Variants in CACNB4 observed in about 807,000 individuals in gnomAD.
The protein encoded by CACNB4 is voltage-dependent L-type calcium channel subunit beta-4.
In CACNB4, 32 loss-of-function variants were observed where a neutral mutation model predicts 71.2. The observed-to-expected ratio is 0.45, with a 90% CI of 0.34 to 0.60. The LOEUF is 0.60. Among genes scored for constraint, CACNB4 ranks in the 20% least tolerant of loss-of-function variants. The pLI, the probability that CACNB4 is intolerant of heterozygous loss-of-function variation, is 0.01. For missense variants in CACNB4, 464 were observed against 647.9 expected (o/e 0.72, Z 3.08); for synonymous variants, 231 against 236.9 (o/e 0.97, Z 0.23).
At chr2:152,004,965 A>T (rs138007349) in intron 2 of CACNB4, among the ~76,000 whole-genome samples, 1 of 152,206 alleles carries the variant, frequency 6.6e-6, no homozygotes, top group Non-Finnish European at 1.5e-5. Flanking sequence ...TCAAAACCAC[A>T]ATGAGACACC....
At chr2:152,055,536 C>T (rs1166436358) in intron 2 of CACNB4, among the ~76,000 whole-genome samples, 1 of 152,168 alleles carries the variant, frequency 6.6e-6, no homozygotes, top group African/African-American at 2.4e-5. Context: ...CTTATGGAGA[C>T]ATGGCAGACC....
At chr2:151,926,801 C>T (rs972863534) in intron 2 of CACNB4, among the ~76,000 whole-genome samples, 4 of 152,178 alleles carry the variant, frequency 2.6e-5, no homozygotes, top group African/African-American at 9.7e-5. Context: ...TTCTGCTCTA[C>T]AAGTGCTCCG....
intron 2 of CACNB4, among the ~76,000 whole-genome samples, chr2:152,027,711 G>GC (rs1370288929): frequency 6.6e-6 from 1 of 152,128 alleles, no homozygotes; most frequent in Non-Finnish European, 1.5e-5. Context: ...AATTACCTGG[G>GC]CTTGGTGGCG....
chr2:151,918,878 T>C (rs564844775), intron 2 of CACNB4, among the ~76,000 whole-genome samples: 1 of 152,328 alleles, frequency 6.6e-6, no homozygotes, highest in South Asian at 2.1e-4. Context: ...TTCATACAGA[T>C]TTTATAAAAT....
At position 151,839,087 on chromosome 2, in the gene CACNB4, T is replaced by A; in HGVS notation, c.*32A>T. The A allele has an allele frequency of 6.3e-7, 1 of 1,588,634 alleles. No homozygotes were observed. Among genetic ancestry groups the A allele is most frequent in the Non-Finnish European group, 8.6e-7 (1 of 1,163,230 alleles). On this transcript the variant is annotated 3_prime_UTR_variant, in exon 14 of 14. Coordinates refer to ENST00000539935, the MANE Select transcript of CACNB4 (RefSeq NM_000726.5). ...ATCCTAGCACTGCTATGGCAAATTGTCAACAGATGAATATTTTTTGTTTCA... is the reference window on the plus strand; with the variant it reads ...ATCCTAGCACTGCTATGGCAAATTGACAACAGATGAATATTTTTTGTTTCA...
intron 2 of CACNB4, among the ~76,000 whole-genome samples, chr2:152,025,769 T>A (rs1164968194): frequency 6.6e-6 from 1 of 152,178 alleles, no homozygotes; most frequent in Non-Finnish European, 1.5e-5. Context: ...CCCCGTGTGG[T>A]TTTTGACAAG....
intron 2 of CACNB4, among the ~76,000 whole-genome samples, chr2:152,069,441 C>G (rs1350871326): frequency 6.6e-6 from 1 of 151,838 alleles, no homozygotes; most frequent in Admixed American, 6.6e-5. Context: ...AGCATCATCA[C>G]CAGATACTCA....
At chr2:152,036,634 A>AT (rs546340545) in intron 2 of CACNB4, among the ~76,000 whole-genome samples, 4 of 152,026 alleles carry the variant, frequency 2.6e-5, no homozygotes, top group East Asian at 3.9e-4. Flanking sequence ...TACCACATTA[A>AT]TTTTTTTTAA....
chr2:151,854,299 T>G (rs898970458), intron 11 of CACNB4: 12 of 152,332 alleles, frequency 7.9e-5, no homozygotes, highest in African/African-American at 2.7e-4. Context: ...AGCAGCTCTT[T>G]CAATCCATTC....
chr2:151,836,120 G>T lies in CACNB4; in HGVS notation c.*2999C>A, dbSNP rs1056484568. 4.0e-5 allele frequency: 6 copies of T among 151,800 alleles called. No homozygotes were observed. The South Asian group carries it at 6.2e-4, about 16-fold the overall frequency. The allele number at this position is 151,800 out of a possible 1,614,324, so 9.4% of individuals were successfully genotyped here. A position where few individuals can be genotyped will look rare whatever the true frequency, so the allele number is the denominator to read the frequency against. On this transcript the variant is annotated 3_prime_UTR_variant, in exon 14 of 14. Coordinates refer to ENST00000539935, the MANE Select transcript of CACNB4 (RefSeq NM_000726.5). ...TATTAGAGTGACATTATACCCTTGA[G>T]AATTAACATCAGGATTGACAAATTG...
At chr2:152,036,270 C>T (rs1343423152) in intron 2 of CACNB4, among the ~76,000 whole-genome samples, 2 of 152,136 alleles carry the variant, frequency 1.3e-5, no homozygotes, top group Non-Finnish European at 2.9e-5. Context: ...CACTGCTGTA[C>T]TGTACACTTA....
intron 2 of CACNB4, among the ~76,000 whole-genome samples, chr2:152,041,765 C>CA (rs1173689013): frequency 6.6e-6 from 1 of 152,156 alleles, no homozygotes; most frequent in East Asian, 1.9e-4. Flanking sequence ...CCAAAACCAT[C>CA]AAAAAGGGAG....
chr2:151,863,208 A>G (rs1448359210), intron 9 of CACNB4, among the ~76,000 whole-genome samples: 2 of 151,480 alleles, frequency 1.3e-5, no homozygotes, highest in East Asian at 3.9e-4. Context: ...TGGGATTGCA[A>G]GCATGTGCCA....
At chr2:151,861,770 G>C (rs2099841699) in intron 9 of CACNB4, 1 of 147,788 alleles carries the variant, frequency 6.8e-6, no homozygotes, top group African/African-American at 2.6e-5. Flanking sequence ...CTGAGCCCAG[G>C]GGGCAGAGGC....
intron 2 of CACNB4, among the ~76,000 whole-genome samples, chr2:151,903,253 C>T (rs1196950397): frequency 6.6e-6 from 1 of 152,076 alleles, no homozygotes; most frequent in Non-Finnish European, 1.5e-5. Context: ...GTGGCTCACA[C>T]CTGTAATCCC....
chr2:152,061,270 C>T (rs1409972711), intron 2 of CACNB4, among the ~76,000 whole-genome samples: 2 of 152,002 alleles, frequency 1.3e-5, no homozygotes, highest in Non-Finnish European at 2.9e-5. Flanking sequence ...TATGATCGTG[C>T]CACTGAACTC....
intron 2 of CACNB4, among the ~76,000 whole-genome samples, chr2:152,053,500 G>T (rs1685553860): frequency 1.3e-5 from 2 of 151,588 alleles, no homozygotes; most frequent in South Asian, 4.2e-4. Flanking sequence ...TGTTTCCCTG[G>T]GTTCTGTGAT....
chr2:151,921,172 AATAAATAAATAAGTT>A (rs1159936370), intron 2 of CACNB4, among the ~76,000 whole-genome samples: 30 of 53,632 alleles, frequency 5.6e-4, no homozygotes, highest in African/African-American at 1.1e-3. Flanking sequence ...TAAATAAATA[AATAAATAAATAAGTT>A]AAAAAAAAAC....
chr2:151,991,134 C>T (rs904073740), intron 2 of CACNB4, among the ~76,000 whole-genome samples: 1 of 152,164 alleles, frequency 6.6e-6, no homozygotes, highest in African/African-American at 2.4e-5. Flanking sequence ...CTCTAGCATG[C>T]TCCCATCAAG....
Sources: allele counts gnomAD v4.1 joint callset (sites outside exome capture counted in the v4.1 genomes callset), GRCh38; gene constraint gnomAD v4.1.1; transcripts MANE v1.5; gene names NCBI Gene and HGNC (gene_info 2026-07-23, HGNC 2026-07-21).